The following ADGRV1 variants were observed in gnomAD, a reference collection of about 807,000 sequenced individuals.
ADGRV1 encodes the protein G-protein coupled receptor 98.
ADGRV1 carries 359 observed loss-of-function variants against 596.2 expected under a neutral mutation model. The observed-to-expected ratio is 0.60, with a 90% confidence interval of 0.55 to 0.66. ADGRV1 has a LOEUF of 0.66. ADGRV1 is among the 30% of genes least tolerant of loss of function. ADGRV1 has a pLI of 0.00. For synonymous variants in ADGRV1, 2,681 were observed against 2,679.2 expected, an observed-to-expected ratio of 1.00 and a Z score of -0.02; for missense variants, 7,274 against 7,575.6, an observed-to-expected ratio of 0.96 and a Z score of 1.48.
rs761111332 is a variant in ADGRV1 at position 90,622,678 on chromosome 5, G to C, written c.535G>C (p.Gly179Arg). ...LTLIREKGTY[G>R]MVMVTFEVEG... ...TCTCATCAGGGAAAAGGGAACCTATGGAATGGTCATGGTGACTTTTGAGGT... is the reference window on the plus strand; with the variant it reads ...TCTCATCAGGGAAAAGGGAACCTATCGAATGGTCATGGTGACTTTTGAGGT... Residue 179 changes from glycine (G) to arginine (R), a missense_variant, in exon 5 of 90, where the codon GGA (glycine) becomes CGA (arginine). Around this residue, in one of 5 missense-constraint regions of ADGRV1, gnomAD observed 1,715 missense variants for 1,708.8 expected, o/e 1.00. Coordinates refer to ENST00000405460, the MANE Select transcript of ADGRV1 (RefSeq NM_032119.4). 1.3e-6 allele frequency: 2 copies of C among 1,544,958 alleles called. No individual in the cohort carries two copies. The highest frequency in any genetic ancestry group is 1.8e-6 in the Non-Finnish European group (2 of 1,140,456).
intron 86 of ADGRV1, among the ~76,000 whole-genome samples, chr5:91,097,347 A>G (rs1790962478): frequency 6.6e-6 from 1 of 152,228 alleles, no homozygotes; most frequent in Non-Finnish European, 1.5e-5. Flanking sequence ...AAGCAGTCCA[A>G]CCTTCTAATT....
At chr5:90,720,896 T>A (rs775813092) in intron 44 of ADGRV1, 39 bp from the exon 45 acceptor site, 22 of 1,566,610 alleles carry the variant, frequency 1.4e-5, no homozygotes, top group Non-Finnish European at 1.9e-5. Context: ...GTAGAATGTA[T>A]ACTTTTTCTG....
chr5:91,113,735 A>G (rs947924717), intron 87 of ADGRV1, among the ~76,000 whole-genome samples: 2 of 152,070 alleles, frequency 1.3e-5, no homozygotes, highest in East Asian at 3.9e-4. Context: ...CCTGGCCAAC[A>G]TGGTGAAACC....
intron 21 of ADGRV1, among the ~76,000 whole-genome samples, chr5:90,658,802 C>T (rs978923284): frequency 6.6e-6 from 1 of 151,516 alleles, no homozygotes; most frequent in Non-Finnish European, 1.5e-5. Flanking sequence ...TCTTACTGTC[C>T]TTATCAGTTC....
chr5:90,951,189 G>A (rs998264552), intron 83 of ADGRV1, among the ~76,000 whole-genome samples: 3 of 152,192 alleles, frequency 2.0e-5, no homozygotes, highest in Non-Finnish European at 1.5e-5. Context: ...CTCAGTGCTA[G>A]GTAGTTTCTG....
At chr5:91,150,327 A>C in intron 88 of ADGRV1, 106 bp downstream of exon 88, 2 of 866,800 alleles carry the variant, frequency 2.3e-6, no homozygotes, top group Non-Finnish European at 3.3e-6. Context: ...CAGGCTCTCC[A>C]CCTCATAAAG....
chr5:90,634,967 T>C (rs993017607), intron 9 of ADGRV1, 147 bp from the exon 10 acceptor site: 2 of 569,272 alleles, frequency 3.5e-6, no homozygotes, highest in Admixed American at 3.1e-5. Context: ...TGAAAAGGGA[T>C]GGTGAATGAG....
At chr5:91,035,881 A>ATC (rs1262531661) in intron 85 of ADGRV1, among the ~76,000 whole-genome samples, 6 of 128,600 alleles carry the variant, frequency 4.7e-5, no homozygotes, top group East Asian at 2.5e-4. Flanking sequence ...ATATATATAT[A>ATC]TCTTACAACA....
At chr5:90,614,764 A>C (rs752676584) in intron 1 of ADGRV1, 71 bp from the exon 2 acceptor site, 2 of 1,106,308 alleles carry the variant, frequency 1.8e-6, no homozygotes, top group Admixed American at 3.9e-5. Flanking sequence ...GTTTATATCT[A>C]TAGACAATAC....
intron 34 of ADGRV1, among the ~76,000 whole-genome samples, chr5:90,701,579 C>T (rs1439191472): frequency 6.6e-6 from 1 of 151,226 alleles, no homozygotes; most frequent in Non-Finnish European, 1.5e-5. Context: ...TCTCTATGTG[C>T]GTGTGTGTGC....
intron 31 of ADGRV1, among the ~76,000 whole-genome samples, chr5:90,691,702 T>C (rs2149627161): frequency 6.6e-6 from 1 of 152,298 alleles, no homozygotes; most frequent in Non-Finnish European, 1.5e-5. Flanking sequence ...TATAAACTCT[T>C]AACTTATATT....
intron 50 of ADGRV1, among the ~76,000 whole-genome samples, chr5:90,733,719 A>G (rs183597704): frequency 1.9e-3 from 288 of 152,332 alleles, no homozygotes; most frequent in Middle Eastern, 3.4e-3. Flanking sequence ...GTTTTGATAA[A>G]TGTATACAAC....
At chr5:91,095,631 G>A (rs758929984) in intron 86 of ADGRV1, among the ~76,000 whole-genome samples, 3 of 151,962 alleles carry the variant, frequency 2.0e-5, no homozygotes, top group Non-Finnish European at 4.4e-5. Context: ...TTCAGATCAC[G>A]GAAACATCCT....
At chr5:91,143,258 A>G (rs991833672) in intron 87 of ADGRV1, among the ~76,000 whole-genome samples, 41 of 152,162 alleles carry the variant, frequency 2.7e-4, no homozygotes, top group Non-Finnish European at 2.2e-4. Flanking sequence ...CTCCCCAAGG[A>G]GCCACAGCTC....
intron 1 of ADGRV1, among the ~76,000 whole-genome samples, chr5:90,582,779 C>T (rs1758236807): frequency 6.6e-6 from 1 of 152,076 alleles, no homozygotes; most frequent in African/African-American, 2.4e-5. Context: ...TCTGTGTTGC[C>T]CAGGCTTGTC....
In ADGRV1 at chr5:90,786,690, A is replaced by G. The variant is rs186694504; in HGVS notation, c.13654-1381A>G. On this transcript the variant is annotated intron_variant, in intron 67 of 89. Transcript: ENST00000405460. ...ATTTGGAAGAAAAATTCATTGGGCT[A>G]GAAGTAGAGGCTGAGGGAAAGACAG... 1.6e-3 allele frequency among the ~76,000 whole-genome samples: 251 copies of G among 152,318 alleles called. 1 individual carries two copies. The highest frequency in any genetic ancestry group is 2.4e-3 in the Non-Finnish European group (164 of 68,026).
intron 67 of ADGRV1, among the ~76,000 whole-genome samples, chr5:90,786,271 A>C (rs915498024): frequency 6.6e-6 from 1 of 152,134 alleles, no homozygotes; most frequent in South Asian, 2.1e-4. Context: ...GCTAGGGGAG[A>C]GATAACATTA....
intron 83 of ADGRV1, among the ~76,000 whole-genome samples, chr5:90,901,945 A>G (rs545999960): frequency 2.0e-5 from 3 of 152,006 alleles, no homozygotes; most frequent in Non-Finnish European, 2.9e-5. Flanking sequence ...GCCTCTTGGG[A>G]TAGTGGAAGC....
chr5:90,656,351 C>A (rs745416243), intron 20 of ADGRV1, among the ~76,000 whole-genome samples: 6 of 152,178 alleles, frequency 3.9e-5, no homozygotes, highest in Admixed American at 6.5e-5. Flanking sequence ...GGAACCAAGA[C>A]ATGAAAATAA....
Sources: gnomAD v4.1 joint callset for allele counts (sites outside exome capture counted in the v4.1 genomes callset) on GRCh38, gnomAD v4.1.1 for gene constraint, gnomAD v4.1.1 regional missense constraint, MANE v1.5 for transcripts, NCBI Gene and HGNC (gene_info 2026-07-23, HGNC 2026-07-21) for gene names.